The following SLC2A9 variants were observed in gnomAD, a reference collection of about 807,000 sequenced individuals.
SLC2A9 encodes solute carrier family 2, facilitated glucose transporter member 9.
A neutral mutation model predicts 50.6 loss-of-function variants in SLC2A9; 39 were observed. That is an observed-to-expected ratio of 0.77 (90% CI 0.60 to 1.01). The LOEUF (loss-of-function observed/expected upper bound fraction) is 1.01, where lower values mean the gene tolerates loss of function less well. SLC2A9 is among the 50% of genes least tolerant of loss of function. The pLI is 0.00. For synonymous variants in SLC2A9, 324 were observed against 276.9 expected, an observed-to-expected ratio of 1.17 and a Z score of -1.69; for missense variants, 686 against 677.6, an observed-to-expected ratio of 1.01 and a Z score of -0.14.
intron 3 of SLC2A9, among the ~76,000 whole-genome samples, chr4:9,991,203 TC>T (rs1286111580): frequency 1.3e-5 from 2 of 152,242 alleles, no homozygotes; most frequent in South Asian, 2.1e-4. Context: ...CTTTCTGCTT[TC>T]CCCACCTTAA....
chr4:9,930,958 G>T (rs1360814948), intron 6 of SLC2A9, among the ~76,000 whole-genome samples: 1 of 152,188 alleles, frequency 6.6e-6, no homozygotes, highest in Non-Finnish European at 1.5e-5. Flanking sequence ...ATGTGTGCAG[G>T]CTGTGTAGAT....
upstream of SLC2A9, chr4:10,025,611 T>C (rs771592798): frequency 1.0e-5 from 4 of 401,218 alleles, no homozygotes; most frequent in Non-Finnish European, 1.8e-5. Flanking sequence ...ATAATCATTG[T>C]CAACATCAAT....
intron 8 of SLC2A9, among the ~76,000 whole-genome samples, chr4:9,901,729 G>C (rs1169827092): frequency 6.6e-6 from 1 of 151,280 alleles, no homozygotes; most frequent in South Asian, 2.1e-4. Flanking sequence ...CCCCTGCCTT[G>C]GGCTGCTGCA....
At chr4:9,987,276 C>T (rs1390801105) in intron 3 of SLC2A9, among the ~76,000 whole-genome samples, 1 of 152,146 alleles carries the variant, frequency 6.6e-6, no homozygotes, top group African/African-American at 2.4e-5. Context: ...TGCACCACCA[C>T]ACCCAGCTAA....
intron 1 of SLC2A9, among the ~76,000 whole-genome samples, chr4:10,036,986 T>C (rs889138435): frequency 1.3e-5 from 2 of 152,244 alleles, no homozygotes; most frequent in African/African-American, 4.8e-5. Flanking sequence ...TCTCAAATCC[T>C]GCTGCACAAC....
rs150036411 is a variant in SLC2A9 at position 9,984,830 on chromosome 4, C to G, written c.535+839G>C. Among the ~76,000 whole-genome samples, 386 of 152,268 alleles carry G rather than the reference C, an allele frequency of 2.5e-3. 5 individuals are homozygous for G. Among genetic ancestry groups the G allele is most frequent in the African/African-American group, 9.1e-3 (377 of 41,552 alleles). On this transcript the variant is annotated intron_variant, in intron 4 of 11. Transcript: ENST00000264784. Reference sequence around the variant, plus strand: ...TACTCCATTACTGGAACAAACCAGTCCATGTCACATTCATCTCAACCCTCC... The same window carrying G: ...TACTCCATTACTGGAACAAACCAGTGCATGTCACATTCATCTCAACCCTCC...
chr4:9,771,944 C>G (rs2108814013), intron 1 of SLC2A9, among the ~76,000 whole-genome samples: 1 of 152,274 alleles, frequency 6.6e-6, no homozygotes, highest in South Asian at 2.1e-4. Flanking sequence ...GAGGGGTCTG[C>G]TGGGGAAAGC....
chr4:9,935,052 T>C (rs1333691284), intron 6 of SLC2A9, among the ~76,000 whole-genome samples: 1 of 152,260 alleles, frequency 6.6e-6, no homozygotes, highest in Non-Finnish European at 1.5e-5. Flanking sequence ...TCATCCAGTC[T>C]ATCATTGATG....
At chr4:9,992,011 A>G (rs1275947456) in intron 3 of SLC2A9, among the ~76,000 whole-genome samples, 2 of 152,224 alleles carry the variant, frequency 1.3e-5, no homozygotes, top group African/African-American at 4.8e-5. Context: ...TAAAATACAG[A>G]TGCCTTTTAA....
At chr4:9,855,094 TG>T (rs1730527960) in intron 10 of SLC2A9, among the ~76,000 whole-genome samples, 1 of 152,164 alleles carries the variant, frequency 6.6e-6, no homozygotes, top group Admixed American at 6.5e-5. Flanking sequence ...AACATAGTAC[TG>T]GAAGTCCCAA....
chr4:9,972,291 C>A (rs547385408), intron 5 of SLC2A9, among the ~76,000 whole-genome samples: 13 of 152,154 alleles, frequency 8.5e-5, no homozygotes, highest in Non-Finnish European at 1.8e-4. Context: ...CATTCCTAAT[C>A]TCTCTTCTCA....
intron 10 of SLC2A9, among the ~76,000 whole-genome samples, chr4:9,840,576 G>C (rs1727882098): frequency 6.6e-6 from 1 of 152,090 alleles, no homozygotes; most frequent in Non-Finnish European, 1.5e-5. Context: ...CTTCCACCTA[G>C]AGATGATCTC....
At chr4:9,869,568 G>C (rs1428106611) in intron 10 of SLC2A9, among the ~76,000 whole-genome samples, 1 of 152,056 alleles carries the variant, frequency 6.6e-6, no homozygotes, top group Non-Finnish European at 1.5e-5. Context: ...TCCTGCTCTG[G>C]GACTCTTATC....
chr4:9,857,679 G>A (rs1370863600), intron 10 of SLC2A9, among the ~76,000 whole-genome samples: 1 of 152,214 alleles, frequency 6.6e-6, no homozygotes, highest in Non-Finnish European at 1.5e-5. Context: ...GAGTTCCCCA[G>A]AGAATCACAC....
chr4:9,925,077 G>A (rs1267745018), intron 6 of SLC2A9, among the ~76,000 whole-genome samples: 1 of 152,154 alleles, frequency 6.6e-6, no homozygotes, highest in African/African-American at 2.4e-5. Flanking sequence ...GTGGCATCTG[G>A]AGGCTCCCCC....
intron 10 of SLC2A9, among the ~76,000 whole-genome samples, chr4:9,873,271 C>T (rs1733749007): frequency 1.3e-5 from 2 of 152,186 alleles, no homozygotes; most frequent in Non-Finnish European, 2.9e-5. Flanking sequence ...TAGAAGGAGG[C>T]CCACTTTCTA....
chr4:9,996,866 G>T lies in SLC2A9; in HGVS notation c.325C>A (p.Leu109Ile), dbSNP rs777957493. 6 of 1,614,186 alleles carry T rather than the reference G, an allele frequency of 3.7e-6. No individual in the cohort carries two copies. The highest frequency in any genetic ancestry group is 5.1e-6 in the Non-Finnish European group (6 of 1,180,000). ...AATATGGACACAGTCACAGACCAGA[G>T]CAAAGTCAGAGTGTCTGGGTCTATT... is the stretch of plus-strand genomic sequence containing the variant. Reference protein sequence around the residue: ...RPIDPDTLTLLWSVTVSIFAI... With the variant: ...RPIDPDTLTLIWSVTVSIFAI... The change falls in exon 3 of 12, where the codon CTC becomes ATC. Residue 109 changes from leucine (L) to isoleucine (I), a missense_variant. Leu to Ile is a conservative substitution (Grantham distance 5, BLOSUM62 2). Coordinates refer to ENST00000264784, the MANE Select transcript of SLC2A9 (RefSeq NM_020041.3).
intron 3 of SLC2A9, among the ~76,000 whole-genome samples, chr4:9,792,477 C>T (rs555269340): frequency 3.3e-5 from 5 of 152,058 alleles, no homozygotes; most frequent in Non-Finnish European, 7.4e-5. Flanking sequence ...GTAGGAGCCA[C>T]TGTGTCTGGC....
chr4:9,943,483 G>A (rs937739140), intron 5 of SLC2A9, among the ~76,000 whole-genome samples: 2 of 152,176 alleles, frequency 1.3e-5, no homozygotes, highest in Non-Finnish European at 2.9e-5. Context: ...GGCTGTCGGG[G>A]GCCCAGGAGG....
Sources: gnomAD v4.1 joint callset for allele counts (sites outside exome capture counted in the v4.1 genomes callset) on GRCh38, gnomAD v4.1.1 for gene constraint, MANE v1.5 for transcripts, NCBI Gene and HGNC (gene_info 2026-07-23, HGNC 2026-07-21) for gene names.